TMPRSS15: variants seen among roughly 807,000 people sequenced by gnomAD.
The protein encoded by TMPRSS15 is enteropeptidase.
A neutral mutation model predicts 125.3 loss-of-function variants in TMPRSS15; 128 were observed. The ratio of observed to expected loss-of-function variants is 1.02; its 90% confidence interval spans 0.89 to 1.18. TMPRSS15 has a LOEUF of 1.18. TMPRSS15 is among the 50% of genes most tolerant of loss of function. TMPRSS15 has a pLI of 0.00. For missense variants in TMPRSS15, 1,283 were observed against 1,212.7 expected, an observed-to-expected ratio of 1.06 and a Z score of -0.86; for synonymous variants, 446 against 423.2, an observed-to-expected ratio of 1.05 and a Z score of -0.66.
chr21:18,377,216 T>A (rs1014956178), intron 5 of TMPRSS15, among the ~76,000 whole-genome samples: 33 of 152,168 alleles, frequency 2.2e-4, no homozygotes, highest in African/African-American at 7.0e-4. Flanking sequence ...ATTAAGGTAA[T>A]CCAATACAGT....
Position 18,343,961 on chromosome 21 carries a change from C to G in TMPRSS15, c.1271G>C (p.Ser424Thr). 6.2e-7 allele frequency: 1 copy of G among 1,614,012 alleles called. No individual in the cohort carries two copies. The highest frequency in any genetic ancestry group is 8.5e-7 in the Non-Finnish European group (1 of 1,179,942). Residue 424 changes from serine (S) to threonine (T), a missense_variant, in exon 11 of 25, where the codon AGT (serine) becomes ACT (threonine). By Grantham distance (58) the Ser-to-Thr change is moderately conservative. Transcript: ENST00000284885. The part of the protein sequence containing the change: ...LDPTLEPACL[S>T]FWYHMYGENV... The stretch of plus-strand genomic sequence containing the variant: ...ACAGGTGTCTACAACATACCAGAAA[C>G]TAAGGCAAGCTGGCTCCAAAGTGGG...
At chr21:18,409,321 ATCTT>A (rs2076159759) in intron 1 of TMPRSS15, among the ~76,000 whole-genome samples, 1 of 152,088 alleles carries the variant, frequency 6.6e-6, no homozygotes, top group South Asian at 2.1e-4. Context: ...TTCTGAATTA[ATCTT>A]TCTTAGAATG....
rs748005104 is a variant in TMPRSS15 at position 18,353,879 on chromosome 21, A to G, written c.881-16T>C. 6 of 1,604,052 alleles carry G rather than the reference A, an allele frequency of 3.7e-6. No individual in the cohort carries two copies. Among genetic ancestry groups the G allele is most frequent in the Non-Finnish European group, 1.7e-6 (2 of 1,171,874 alleles). On this transcript the variant is annotated splice_polypyrimidine_tract_variant and intron_variant, in intron 8 of 24. Transcript: ENST00000284885. ...CAAATAGAAGCTACAAAATAAAATAAACAACTGTTATATGTATATATCTAT... is the reference window on the plus strand; with the variant it reads ...CAAATAGAAGCTACAAAATAAAATAGACAACTGTTATATGTATATATCTAT...
At chr21:18,280,575 C>CAAAAAAAAAAAAAAAAAAAAA (rs1230513414) in intron 22 of TMPRSS15, among the ~76,000 whole-genome samples, 33 of 48,294 alleles carry the variant, frequency 6.8e-4, no homozygotes, top group African/African-American at 2.0e-3. Context: ...GACTCCGTCT[C>CAAAAAAAAAAAAAAAAAAAAA]AAAAAAAAAA....
chr21:18,337,167 T>A (rs763592509), intron 13 of TMPRSS15, among the ~76,000 whole-genome samples: 22 of 152,236 alleles, frequency 1.4e-4, no homozygotes, highest in Non-Finnish European at 2.6e-4. Flanking sequence ...GTGCTGGGAT[T>A]ACAGGTGTGA....
At chr21:18,334,866 G>A (rs1402290887) in intron 13 of TMPRSS15, among the ~76,000 whole-genome samples, 1 of 152,126 alleles carries the variant, frequency 6.6e-6, no homozygotes. Context: ...ATTGGCACTT[G>A]ATACGTACAT....
intron 21 of TMPRSS15, among the ~76,000 whole-genome samples, chr21:18,282,900 A>C (rs568217658): frequency 6.6e-6 from 1 of 152,206 alleles, no homozygotes; most frequent in South Asian, 2.1e-4. Context: ...AGAAGGAAGG[A>C]CTGGAGATGT....
At chr21:18,350,619 C>T (rs1217385727) in intron 10 of TMPRSS15, among the ~76,000 whole-genome samples, 1 of 152,004 alleles carries the variant, frequency 6.6e-6, no homozygotes, top group Non-Finnish European at 1.5e-5. Flanking sequence ...GTCACTTTTT[C>T]AATGAGACTT....
rs934197820 is a variant in TMPRSS15 at position 18,280,264 on chromosome 21, C to T, written c.2668+776G>A. Among the ~76,000 whole-genome samples the T allele has an allele frequency of 1.3e-4, 20 of 151,992 alleles. No homozygotes were observed. The East Asian group carries it at 1.9e-3, about 15-fold the overall frequency. On this transcript the variant is annotated intron_variant, in intron 22 of 24. Transcript: ENST00000284885. ...TCATTTGTCACTCAGATAATATTAT[C>T]GAATCTCCATTAAAAACTTCATCCT...
At chr21:18,479,739 C>T (rs1381933143) in intron 1 of TMPRSS15, among the ~76,000 whole-genome samples, 1 of 152,006 alleles carries the variant, frequency 6.6e-6, no homozygotes, top group East Asian at 1.9e-4. Flanking sequence ...CAGGAAACAA[C>T]AGATGCTGGA....
rs369211052 is a variant in TMPRSS15 at position 18,342,055 on chromosome 21, T to A, written c.1429-507A>T. Among the ~76,000 whole-genome samples, 3 of 152,256 alleles carry A rather than the reference T, an allele frequency of 2.0e-5. No individual in the cohort carries two copies. The South Asian group carries it at 6.2e-4, about 32-fold the overall frequency. ...AAAACGATCATTCAGGGCCAGCTGT[T>A]ACTGGTCACAGTTCACCCAGGGTGT... On this transcript the variant is annotated intron_variant, in intron 12 of 24. Coordinates refer to ENST00000284885, the MANE Select transcript of TMPRSS15 (RefSeq NM_002772.3).
In TMPRSS15 at chr21:18,400,823, C is replaced by T. The variant is rs62214999; in HGVS notation, c.146-2494G>A. On this transcript the variant is annotated intron_variant, in intron 1 of 24. Transcript: ENST00000284885. ...TGGAATGGGAGGAAATACTTGCAAA[C>T]GATGCATCTGACAAGGTCTAATATC... Among the ~76,000 whole-genome samples the T allele has an allele frequency of 2.2e-3, 342 of 152,120 alleles. 2 individuals carry two copies. The highest frequency in any genetic ancestry group is 4.1e-3 in the Non-Finnish European group (281 of 67,980).
intron 17 of TMPRSS15, among the ~76,000 whole-genome samples, chr21:18,314,877 C>T (rs368906619): frequency 1.8e-3 from 274 of 152,112 alleles, no homozygotes; most frequent in South Asian, 5.0e-3. Context: ...GTGGTATTCT[C>T]GGCTTCCTAT....
At chr21:18,294,993 T>C (rs546102280) in intron 19 of TMPRSS15, among the ~76,000 whole-genome samples, 10 of 152,344 alleles carry the variant, frequency 6.6e-5, no homozygotes, top group African/African-American at 2.2e-4. Context: ...CAGGGCCTTA[T>C]ACACAATGAA....
In TMPRSS15 at chr21:18,332,120, T is replaced by C; in HGVS notation, c.1618A>G (p.Thr540Ala). The C allele has an allele frequency of 6.2e-7, 1 of 1,614,096 alleles. No individual in the cohort carries two copies. Among genetic ancestry groups the C allele is most frequent in the Non-Finnish European group, 8.5e-7 (1 of 1,179,968 alleles). The change falls in exon 14 of 25, where the codon ACG becomes GCG. Residue 540 changes from threonine (T) to alanine (A), a missense_variant. Coordinates refer to ENST00000284885, the MANE Select transcript of TMPRSS15 (RefSeq NM_002772.3). ...LWEPNTTFSS[T>A]NFPNSYPNLA... ...TTAGGGTAGCTGTTTGGAAAGTTCG[T>C]AGAACTGAATGTTGTATTTGGCTCC...
intron 24 of TMPRSS15, among the ~76,000 whole-genome samples, chr21:18,273,594 C>T (rs954345363): frequency 6.6e-6 from 1 of 152,152 alleles, no homozygotes; most frequent in African/African-American, 2.4e-5. Flanking sequence ...ACCCTAAAAT[C>T]AATAGCATCA....
At chr21:18,281,913 C>T (rs1000922367) in intron 21 of TMPRSS15, among the ~76,000 whole-genome samples, 6 of 151,708 alleles carry the variant, frequency 4.0e-5, no homozygotes, top group Admixed American at 6.6e-5. Flanking sequence ...TTGGTTAACA[C>T]GGTGAAACCC....
chr21:18,372,061 G>T, intron 6 of TMPRSS15, 132 bp downstream of exon 6: 1 of 604,020 alleles, frequency 1.7e-6, no homozygotes, highest in Non-Finnish European at 2.5e-6. Context: ...TATTTAAATA[G>T]CTCATTCTTC....
chr21:18,412,643 G>A (rs2076168918), intron 1 of TMPRSS15, among the ~76,000 whole-genome samples: 1 of 152,120 alleles, frequency 6.6e-6, no homozygotes, highest in African/African-American at 2.4e-5. Flanking sequence ...AGAACAAAGT[G>A]GCCAGGTATG....
Sources: gnomAD v4.1 joint callset for allele counts (sites outside exome capture counted in the v4.1 genomes callset) on GRCh38, gnomAD v4.1.1 for gene constraint, MANE v1.5 for transcripts, NCBI Gene and HGNC (gene_info 2026-07-23, HGNC 2026-07-21) for gene names.